ANKRD1: variants seen among roughly 807,000 people sequenced by gnomAD.
ANKRD1 encodes the protein ankyrin repeat domain-containing protein 1.
A neutral mutation model predicts 40.1 loss-of-function variants in ANKRD1; 32 were observed. The ratio of observed to expected loss-of-function variants is 0.80; its 90% CI spans 0.60 to 1.07. The LOEUF (loss-of-function observed/expected upper bound fraction) is 1.07, where lower values mean the gene tolerates loss of function less well. ANKRD1 is among the 50% of genes least tolerant of loss of function. The pLI is 0.00. For missense variants in ANKRD1, 359 were observed against 386.0 expected (o/e 0.93, Z 0.59); for synonymous variants, 149 against 141.2 (o/e 1.06, Z -0.39).
Position 90,916,178 on chromosome 10 carries a change from C to T in ANKRD1, c.644G>A (p.Arg215Gln), listed in dbSNP as rs1293523344. Reference protein sequence around the residue: ...LLNKGAKISARDKLLSTALHV... With the variant: ...LLNKGAKISAQDKLLSTALHV... ...AAGGAGAAGAAGGAATACCTTATCT[C>T]GGGCGCTAATTTTTGCTCCTTTATT... Residue 215 changes from arginine to glutamine, a missense_variant, in exon 6 of 9, where the codon CGA (arginine) becomes CAA (glutamine). Physicochemically the swap from Arg to Gln is conservative, Grantham distance 43. Transcript: ENST00000371697. The T allele has an allele frequency of 1.2e-6, 2 of 1,612,620 alleles. No individual in the cohort carries two copies. The highest frequency in any genetic ancestry group is 8.5e-7 in the Non-Finnish European group (1 of 1,178,964).
chr10:90,919,126 C>A lies in ANKRD1; in HGVS notation c.345+5G>T. ...ATTACTGGAAACCAAAAAAAAAGCCCTTACAATGATTTCAGGTTCTGGTTC... is the reference window on the plus strand; with the variant it reads ...ATTACTGGAAACCAAAAAAAAAGCCATTACAATGATTTCAGGTTCTGGTTC... On this transcript the variant is annotated splice_donor_5th_base_variant and intron_variant, in intron 3 of 8. Transcript: ENST00000371697. The A allele has an allele frequency of 6.2e-7, 1 of 1,613,002 alleles. No homozygotes were observed. Among genetic ancestry groups the A allele is most frequent in the Non-Finnish European group, 8.5e-7 (1 of 1,179,784 alleles).
In ANKRD1 at chr10:90,918,980, CAAAATAAATA is replaced by C. The variant is rs727502890; in HGVS notation, c.346-18_346-9del. On this transcript the variant is annotated splice_polypyrimidine_tract_variant and intron_variant, in intron 3 of 8. Transcript: ENST00000371697. ...CACATCCACAGGTTCCGTCTAAAGC[CAAAATAAATA>C]AATATATATATATATATATATATAT... The C allele has an allele frequency of 2.7e-5, 35 of 1,304,988 alleles. No individual in the cohort carries two copies. The African/African-American group carries it at 3.6e-4, about 13-fold the overall frequency. 80.8% of individuals were successfully genotyped at this position (1,304,988 alleles called of 1,614,324 possible).
rs147484763 is a variant in ANKRD1 at position 90,920,226 on chromosome 10, G to A, written c.150C>T (p.Ala50=). 1 of 1,613,858 alleles carries A rather than the reference G, an allele frequency of 6.2e-7. No homozygotes were observed. Among genetic ancestry groups the A allele is most frequent in the African/African-American group, 1.3e-5 (1 of 74,882 alleles). Residue 50 remains alanine, a synonymous_variant, in exon 2 of 9, where the codon GCC becomes GCT. Transcript: ENST00000371697. ...EKQEDLKTLL[A]HPVTLGEQQW... is the part of the protein sequence containing the mutation. ...GTTGCTCCCCCAGGGTCACAGGGTGGGCTAGAAGTGTCTTCAGATCCTCCT... is the reference window on the plus strand; with the variant it reads ...GTTGCTCCCCCAGGGTCACAGGGTGAGCTAGAAGTGTCTTCAGATCCTCCT...
Position 90,919,253 on chromosome 10 carries a change from G to GT in ANKRD1, c.222dup (p.Leu75ThrfsTer8), listed in dbSNP as rs776659587. The GT allele has an allele frequency of 1.6e-4, 262 of 1,605,876 alleles. No individual in the cohort carries two copies. Among genetic ancestry groups the GT allele is most frequent in the Non-Finnish European group, 2.1e-4 (252 of 1,177,408 alleles). On this transcript the variant is annotated frameshift_variant, in exon 3 of 9. Coordinates refer to ENST00000371697, the MANE Select transcript of ANKRD1 (RefSeq NM_014391.3). LOFTEE classifies it high-confidence loss of function. ...TTTTCAAGCTTTGATCTTTGTTCTA[G>GT]TTTTTTCTTTTTGAGCTAAAAAAGA...
rs562300152 is a variant in ANKRD1 at position 90,915,628 on chromosome 10, G to A, written c.764C>T (p.Pro255Leu). Reference protein sequence around the residue: ...LNAKDREGDTPLHDAVRLNRY... With the variant: ...LNAKDREGDTLLHDAVRLNRY... ...GTTCAGTCTCACCGCATCATGCAAC[G>A]GGGTATCTCCTTCCTAGAGAAGCAG... is the stretch of plus-strand genomic sequence containing the variant. The change falls in exon 8 of 9, where the codon CCG becomes CTG. Residue 255 changes from proline (P) to leucine (L), a missense_variant. Pro to Leu is a moderately conservative substitution (Grantham distance 98). Coordinates refer to ENST00000371697, the MANE Select transcript of ANKRD1 (RefSeq NM_014391.3). 6.2e-7 allele frequency: 1 copy of A among 1,613,898 alleles called. No homozygotes were observed. The highest frequency in any genetic ancestry group is 1.7e-5 in the Admixed American group (1 of 60,026).
At chr10:90,915,982 T>G (rs1281410720) in intron 6 of ANKRD1, 102 bp from the exon 7 acceptor site, 2 of 1,146,616 alleles carry the variant, frequency 1.7e-6, no homozygotes, top group African/African-American at 1.6e-5. Flanking sequence ...CTAGGGTGCC[T>G]GCACACAGCA....
intron 1 of ANKRD1, 143 bp downstream of exon 1, chr10:90,920,858 G>T (rs1302152391): frequency 2.7e-6 from 2 of 747,066 alleles, no homozygotes; most frequent in Non-Finnish European, 4.4e-6. Context: ...AATTTCACTT[G>T]TTTCATCACA....
At chr10:90,920,080 G>T in intron 2 of ANKRD1, 89 bp downstream of exon 2, 5 of 1,551,530 alleles carry the variant, frequency 3.2e-6, no homozygotes, top group Admixed American at 1.7e-5. Context: ...TTAATGATTG[G>T]GTTTGTTTCT....
intron 8 of ANKRD1, among the ~76,000 whole-genome samples, chr10:90,913,848 C>T (rs1184844175): frequency 1.3e-5 from 2 of 152,076 alleles, no homozygotes; most frequent in Non-Finnish European, 2.9e-5. Flanking sequence ...GGATTTGTGA[C>T]TTCTATGAAA....
intron 7 of ANKRD1, 41 bp downstream of exon 7, chr10:90,915,741 C>T: frequency 6.2e-7 from 1 of 1,612,824 alleles, no homozygotes; most frequent in Non-Finnish European, 8.5e-7. Context: ...AATACAAAAG[C>T]AATGAAGCTT....
chr10:90,919,318 C>G, intron 2 of ANKRD1, 50 bp from the exon 3 acceptor site: 3 of 1,546,172 alleles, frequency 1.9e-6, no homozygotes, highest in Middle Eastern at 2.3e-4. Flanking sequence ...TACTGACAAG[C>G]ATTCTGGTTG....
rs754771221 is a variant in ANKRD1 at position 90,916,197 on chromosome 10, C to G, written c.625G>C (p.Gly209Arg). The G allele has an allele frequency of 1.9e-6, 3 of 1,613,728 alleles. No individual in the cohort carries two copies. The highest frequency in any genetic ancestry group is 2.7e-5 in the African/African-American group (2 of 74,818). The part of the protein sequence containing the change: ...LDVLKLLLNK[G>R]AKISARDKLL... The stretch of plus-strand genomic sequence containing the variant: ...TTATCTCGGGCGCTAATTTTTGCTC[C>G]TTTATTCAGCAACAATTTTAAAACA... The change falls in exon 6 of 9, where the codon GGA (glycine) becomes CGA (arginine). Residue 209 changes from glycine to arginine, a missense_variant. Transcript: ENST00000371697.
chr10:90,917,606 G>A, intron 5 of ANKRD1, 126 bp downstream of exon 5: 2 of 768,388 alleles, frequency 2.6e-6, no homozygotes, highest in Non-Finnish European at 4.4e-6. Context: ...TTGGAGAAAT[G>A]AGCTTTTGCC....
intron 8 of ANKRD1, among the ~76,000 whole-genome samples, chr10:90,914,726 C>A (rs919994162): frequency 4.2e-5 from 5 of 119,354 alleles, no homozygotes; most frequent in East Asian, 5.4e-4. Flanking sequence ...TCCCTCCCCC[C>A]CCCCCCACTC....
rs10047267 is a variant in ANKRD1, at chr10:90,919,873, G to C, written c.207+296C>G. On this transcript the variant is annotated intron_variant, in intron 2 of 8. Coordinates refer to ENST00000371697, the MANE Select transcript of ANKRD1 (RefSeq NM_014391.3). ...ATGTTATTGAGAAAAAGAGATCTCCGTTGCTTGGGATTAACTACATGGTGT... is the reference window on the plus strand; with the variant it reads ...ATGTTATTGAGAAAAAGAGATCTCCCTTGCTTGGGATTAACTACATGGTGT... 0.47 allele frequency among the ~76,000 whole-genome samples: 71,260 copies of C among 152,072 alleles called. 17,351 individuals are homozygous for C. Among genetic ancestry groups the C allele is most frequent in the Admixed American group, 0.54 (8,253 of 15,286 alleles).
Position 90,920,196 on chromosome 10 carries a change from C to T in ANKRD1, c.180G>A (p.Trp60Ter), listed in dbSNP as rs760365338. The T allele has an allele frequency of 5.0e-6, 8 of 1,613,964 alleles. No homozygotes were observed. The African/African-American group carries it at 1.1e-4, about 22-fold the overall frequency. Residue 60 changes from tryptophan (W) to a stop codon, truncating the protein, a stop_gained, in exon 2 of 9, where the codon TGG becomes TGA. Coordinates refer to ENST00000371697, the MANE Select transcript of ANKRD1 (RefSeq NM_014391.3). LOFTEE classifies it high-confidence loss of function. ...CTGCCTCTCGTTGTTTCTCGCTTTT[C>T]CACTGTTGCTCCCCCAGGGTCACAG... ...AHPVTLGEQQ[W>*]KSEKQREAEL...
At position 90,912,985 on chromosome 10, in the gene ANKRD1, A is replaced by C; in HGVS notation, c.850-9T>G. 6.2e-7 allele frequency: 1 copy of C among 1,613,488 alleles called. No homozygotes were observed. Among genetic ancestry groups the C allele is most frequent in the African/African-American group, 1.3e-5 (1 of 75,040 alleles). ...ATCGGCGTCTTCCCAGCCTAATCAA[A>C]TGAGATAAGGAAAGTTGACTTTCAG... On this transcript the variant is annotated splice_polypyrimidine_tract_variant and intron_variant, in intron 8 of 8. Transcript: ENST00000371697.
chr10:90,912,965 C>T lies in ANKRD1; in HGVS notation c.861G>A (p.Thr287=), dbSNP rs139438263. The change falls in exon 9 of 9, where the codon ACG becomes ACA. Residue 287 remains threonine (T), a synonymous_variant. Coordinates refer to ENST00000371697, the MANE Select transcript of ANKRD1 (RefSeq NM_014391.3). ...GCCAGTGTAGCACCAGATCCATCGG[C>T]GTCTTCCCAGCCTAATCAAATGAGA... ...DLNIKNCAGK[T]PMDLVLHWQN... 2.5e-6 allele frequency: 4 copies of T among 1,614,006 alleles called. No individual in the cohort carries two copies. The African/African-American group carries it at 4.0e-5, about 16-fold the overall frequency.
Position 90,917,757 on chromosome 10 carries a change from C to T in ANKRD1, c.527G>A (p.Gly176Glu), listed in dbSNP as rs777320917. 1 of 1,614,036 alleles carries T rather than the reference C, an allele frequency of 6.2e-7. No homozygotes were observed. The highest frequency in any genetic ancestry group is 2.2e-5 in the East Asian group (1 of 44,866). Reference sequence around the variant, plus strand: ...CATATCACGGAATTCGATCTGGGCTCCAGCTTCCATTAACTTCTCCACAAT... The same window carrying T: ...CATATCACGGAATTCGATCTGGGCTTCAGCTTCCATTAACTTCTCCACAAT... ...LAIVEKLMEA[G>E]AQIEFRDMLE... The change falls in exon 5 of 9, where the codon GGA becomes GAA. Residue 176 changes from glycine to glutamate, a missense_variant. Gly to Glu is a moderately conservative substitution (Grantham distance 98). Coordinates refer to ENST00000371697, the MANE Select transcript of ANKRD1 (RefSeq NM_014391.3).
Sources: allele counts gnomAD v4.1 joint callset (sites outside exome capture counted in the v4.1 genomes callset), GRCh38; gene constraint gnomAD v4.1.1; transcripts MANE v1.5; gene names NCBI Gene and HGNC (gene_info 2026-07-23, HGNC 2026-07-21).